Variants in WWTR1 observed in about 807,000 individuals in gnomAD.
The protein encoded by WWTR1 is WW domain containing transcription regulator 1, also known as WW domain-containing transcription regulator protein 1.
Under a neutral mutation model 40.1 loss-of-function variants are expected in WWTR1, and 13 were observed. The ratio of observed to expected loss-of-function variants is 0.32; its 90% confidence interval spans 0.21 to 0.52. The LOEUF is 0.52. Among genes scored for constraint, WWTR1 ranks in the 20% least tolerant of loss-of-function variants. The pLI is 0.97. For synonymous variants in WWTR1, 230 were observed against 210.1 expected (o/e 1.09, Z -0.82); for missense variants, 436 against 523.1 (o/e 0.83, Z 1.63).
At chr3:149,587,265 C>T (rs942932233) in intron 2 of WWTR1, among the ~76,000 whole-genome samples, 10 of 151,934 alleles carry the variant, frequency 6.6e-5, no homozygotes, top group Admixed American at 1.3e-4. Context: ...GCTAGGGAAT[C>T]GGAAGTGCTG....
intron 2 of WWTR1, among the ~76,000 whole-genome samples, chr3:149,651,992 ATTTTTTT>A (rs368845286): frequency 0.15 from 14,037 of 93,906 alleles, 1,110 homozygotes; most frequent in African/African-American, 0.29. Flanking sequence ...CGCCCGGCTA[ATTTTTTT>A]TTTTTTTTTT....
Position 149,520,621 on chromosome 3 carries a change from T to C in WWTR1, c.*184A>G. ...AAAATGAAAATAGAATATTTATTTA[T>C]GTTTAACTTAAGTTACTCTCAATCA... is the stretch of plus-strand genomic sequence containing the variant. On this transcript the variant is annotated 3_prime_UTR_variant, in exon 7 of 7. Transcript: ENST00000360632. 2.2e-6 allele frequency: 1 copy of C among 464,478 alleles called. No individual in the cohort carries two copies. Among genetic ancestry groups the C allele is most frequent in the Non-Finnish European group, 3.7e-6 (1 of 270,038 alleles). 28.8% of individuals were successfully genotyped at this position (464,478 alleles called of 1,614,324 possible). A position where few individuals can be genotyped will look rare whatever the true frequency, so the allele number is the denominator to read the frequency against.
rs114680587 is a variant in WWTR1 at position 149,570,837 on chromosome 3, C to G, written c.568+2027G>C. ...CTTCTTTTAATTAGTCCACTTCCTA[C>G]ATATCGCACAAATTTTAAAAATTAA... On this transcript the variant is annotated intron_variant, in intron 3 of 6. Transcript: ENST00000360632. Among the ~76,000 whole-genome samples, 613 of 152,232 alleles carry G rather than the reference C, an allele frequency of 4.0e-3. 6 individuals carry two copies. Among genetic ancestry groups the G allele is most frequent in the African/African-American group, 0.014 (576 of 41,558 alleles).
At chr3:149,641,772 T>C (rs1031237005) in intron 2 of WWTR1, among the ~76,000 whole-genome samples, 11 of 152,194 alleles carry the variant, frequency 7.2e-5, no homozygotes, top group Non-Finnish European at 7.3e-5. Context: ...TACTTAATAG[T>C]TTATTAAAAA....
rs1421152077 is a variant in WWTR1 at position 149,596,902 on chromosome 3, TA to T, written c.432-23903del. Among the ~76,000 whole-genome samples the T allele has an allele frequency of 2.4e-4, 37 of 152,220 alleles. 1 individual carries two copies. The highest frequency in any genetic ancestry group is 6.5e-5 in the Admixed American group (1 of 15,282). On this transcript the variant is annotated intron_variant, in intron 2 of 6. Transcript: ENST00000360632. ...CTTAAATTAACTTGGGCAAATTACT[TA>T]ATCTCTTGGTGCCTCCATTTTCTAC...
intron 6 of WWTR1, among the ~76,000 whole-genome samples, chr3:149,524,211 T>C (rs907815546): frequency 1.3e-5 from 2 of 152,186 alleles, no homozygotes; most frequent in Non-Finnish European, 2.9e-5. Flanking sequence ...GCTAAAACTA[T>C]GTTCTTTTCA....
chr3:149,687,934 C>T (rs191696626), intron 1 of WWTR1, among the ~76,000 whole-genome samples: 2 of 151,790 alleles, frequency 1.3e-5, no homozygotes, highest in East Asian at 3.9e-4. Context: ...GGTCCTTGTG[C>T]CTTGAATAAA....
At chr3:149,564,197 C>CCCAG (rs1288618305) in intron 3 of WWTR1, among the ~76,000 whole-genome samples, 1 of 152,196 alleles carries the variant, frequency 6.6e-6, no homozygotes, top group Non-Finnish European at 1.5e-5. Flanking sequence ...CTAGCAGCAG[C>CCCAG]CCAGGATAAT....
At chr3:149,612,309 T>C (rs565907030) in intron 2 of WWTR1, among the ~76,000 whole-genome samples, 1 of 150,010 alleles carries the variant, frequency 6.7e-6, no homozygotes, top group Non-Finnish European at 1.5e-5. Context: ...ATTCACATAA[T>C]TTTGTTACAA....
At chr3:149,536,029 G>GA (rs1017111125) in intron 4 of WWTR1, among the ~76,000 whole-genome samples, 27 of 149,768 alleles carry the variant, frequency 1.8e-4, no homozygotes, top group South Asian at 4.2e-4. Flanking sequence ...AGAAGAAAAA[G>GA]AAAAAAAAAG....
At chr3:149,681,327 CCTCA>C (rs1364221902) in intron 1 of WWTR1, among the ~76,000 whole-genome samples, 1 of 152,226 alleles carries the variant, frequency 6.6e-6, no homozygotes, top group East Asian at 1.9e-4. Context: ...TTTACCACAT[CCTCA>C]CTAACACCTC....
chr3:149,545,967 C>A (rs1440630043), intron 3 of WWTR1, among the ~76,000 whole-genome samples: 3 of 152,228 alleles, frequency 2.0e-5, no homozygotes, highest in Non-Finnish European at 4.4e-5. Flanking sequence ...ATTGGGCGTA[C>A]TCTCAAGCAG....
chr3:149,544,345 G>T (rs932914001), intron 3 of WWTR1, among the ~76,000 whole-genome samples: 6 of 152,172 alleles, frequency 3.9e-5, no homozygotes, highest in Non-Finnish European at 1.5e-5. Context: ...GGATAAAAAT[G>T]TTCTTTTTTG....
rs60148340 is a variant in WWTR1, at chr3:149,622,502, GAAGAAAGAAAGAAAGA to G, written c.431+34358_431+34373del. On this transcript the variant is annotated intron_variant, in intron 2 of 6. Transcript: ENST00000360632. ...GGAAGGAAGGAAGGAAGGAAGGAAG[GAAGAAAGAAAGAAAGA>G]AAGAAAGAAAGAAAGAAAGAAAGAA... 9.0e-3 allele frequency among the ~76,000 whole-genome samples: 417 copies of G among 46,328 alleles called. 3 individuals are homozygous for G. Among genetic ancestry groups the G allele is most frequent in the Non-Finnish European group, 0.012 (289 of 23,282 alleles). 30.4% of individuals were successfully genotyped at this position (46,328 alleles called of 152,430 possible). A position where few individuals can be genotyped will look rare whatever the true frequency, so the allele number is the denominator to read the frequency against.
chr3:149,607,391 T>C (rs952926694), intron 2 of WWTR1, among the ~76,000 whole-genome samples: 4 of 152,182 alleles, frequency 2.6e-5, no homozygotes, highest in African/African-American at 9.7e-5. Context: ...ATTGGCTCAC[T>C]GCAACCTCCA....
chr3:149,591,621 C>G (rs1273620371), intron 2 of WWTR1, among the ~76,000 whole-genome samples: 1 of 152,058 alleles, frequency 6.6e-6, no homozygotes, highest in South Asian at 2.1e-4. Context: ...GAGATAAATT[C>G]CAATTTTTCT....
chr3:149,536,414 A>T (rs1456308425), intron 4 of WWTR1, among the ~76,000 whole-genome samples: 2 of 151,982 alleles, frequency 1.3e-5, no homozygotes, highest in East Asian at 3.9e-4. Context: ...TTTATGCTTC[A>T]TGATCTGCTC....
At chr3:149,639,307 A>T (rs1162382251) in intron 2 of WWTR1, among the ~76,000 whole-genome samples, 2 of 152,098 alleles carry the variant, frequency 1.3e-5, no homozygotes, top group African/African-American at 4.8e-5. Context: ...GGCTGAAGTG[A>T]TCCCCCTTGC....
chr3:149,691,764 C>T (rs1714833477), intron 1 of WWTR1, among the ~76,000 whole-genome samples: 1 of 152,168 alleles, frequency 6.6e-6, no homozygotes, highest in African/African-American at 2.4e-5. Flanking sequence ...TGTCTGTAAT[C>T]CCAGCACTTT....
Sources: allele counts gnomAD v4.1 joint callset (sites outside exome capture counted in the v4.1 genomes callset), GRCh38; gene constraint gnomAD v4.1.1; transcripts MANE v1.5; gene names NCBI Gene and HGNC (gene_info 2026-07-23, HGNC 2026-07-21).